The following ARSB variants were observed in gnomAD, a reference collection of about 807,000 sequenced individuals.
ARSB encodes N-acetylgalactosamine-4-sulfatase.
In ARSB, 41 loss-of-function variants were observed where a neutral mutation model predicts 50.9. The observed-to-expected ratio is 0.81, with a 90% CI of 0.63 to 1.04. ARSB has a LOEUF of 1.04. ARSB is among the 50% of genes least tolerant of loss of function. The pLI, the probability that ARSB is intolerant of heterozygous loss-of-function variation, is 0.00. For synonymous variants in ARSB, 269 were observed against 284.8 expected (o/e 0.94, Z 0.56); for missense variants, 672 against 693.3 (o/e 0.97, Z 0.35).
At position 78,885,796 on chromosome 5, in the gene ARSB, A is replaced by T; in HGVS notation, c.930T>A (p.Asn310Lys). 6.2e-7 allele frequency: 1 copy of T among 1,614,138 alleles called. No homozygotes were observed. Among genetic ancestry groups the T allele is most frequent in the East Asian group, 2.2e-5 (1 of 44,874 alleles). The change falls in exon 5 of 8, where the codon AAT (asparagine) becomes AAA (lysine). Residue 310 changes from asparagine to lysine, a missense_variant. Physicochemically the swap from Asn to Lys is moderately conservative, Grantham distance 94 (BLOSUM62 0). Transcript: ENST00000264914. ...DNGGQTLAGG[N>K]NWPLRGRKWS... ...ATTTTCTTCCTCGAAGGGGCCAGTT[A>T]TTACCCCCTGCCAAAGTCTGCCCTC...
rs1006924003 is a variant in ARSB, at chr5:78,861,739, T to A, written c.1143-22313A>T. On this transcript the variant is annotated intron_variant, in intron 5 of 7. Coordinates refer to ENST00000264914, the MANE Select transcript of ARSB (RefSeq NM_000046.5). ...GCCCTCTTTCACCACTCCTATTCAATATAATGTTGGAAATTCTGGTCAGGG... is the reference window on the plus strand; with the variant it reads ...GCCCTCTTTCACCACTCCTATTCAAAATAATGTTGGAAATTCTGGTCAGGG... Among the ~76,000 whole-genome samples, 4 of 152,222 alleles carry A rather than the reference T, an allele frequency of 2.6e-5. No homozygotes were observed. In the East Asian group the frequency reaches 7.7e-4, roughly 29 times the overall value.
chr5:78,813,308 C>T (rs183151146), intron 6 of ARSB, among the ~76,000 whole-genome samples: 90 of 152,302 alleles, frequency 5.9e-4, no homozygotes, highest in African/African-American at 2.1e-3. Context: ...AGGAGATCCA[C>T]CCACCTCAGC....
chr5:78,924,008 C>T (rs773905411), intron 4 of ARSB, among the ~76,000 whole-genome samples: 7 of 152,152 alleles, frequency 4.6e-5, no homozygotes, highest in Admixed American at 1.3e-4. Flanking sequence ...GAATATGATC[C>T]TGCTTCTTCC....
At chr5:78,940,575 G>C (rs1425973162) in intron 4 of ARSB, among the ~76,000 whole-genome samples, 1 of 152,144 alleles carries the variant, frequency 6.6e-6, no homozygotes, top group Non-Finnish European at 1.5e-5. Flanking sequence ...TGTCAGGTTT[G>C]TCAAAGATCA....
chr5:78,877,209 G>T (rs1747526647), intron 5 of ARSB, among the ~76,000 whole-genome samples: 1 of 152,146 alleles, frequency 6.6e-6, no homozygotes. Context: ...AAACTCACAG[G>T]CTGCTGTGAG....
intron 4 of ARSB, among the ~76,000 whole-genome samples, chr5:78,902,299 G>A (rs1168061228): frequency 6.6e-6 from 1 of 152,176 alleles, no homozygotes; most frequent in African/African-American, 2.4e-5. Flanking sequence ...TCCAACACAT[G>A]AACTTTTGGG....
chr5:78,821,406 G>A (rs1202442800), intron 6 of ARSB, among the ~76,000 whole-genome samples: 1 of 152,198 alleles, frequency 6.6e-6, no homozygotes. Flanking sequence ...CCAAAGTGCT[G>A]GGATTACAGG....
chr5:78,788,401 GT>G (rs1331104843), intron 6 of ARSB, among the ~76,000 whole-genome samples: 3 of 152,166 alleles, frequency 2.0e-5, no homozygotes. Context: ...CCTGGTGGTG[GT>G]TTCAGTGGAG....
chr5:78,815,187 G>T (rs188126881), intron 6 of ARSB, among the ~76,000 whole-genome samples: 1 of 150,688 alleles, frequency 6.6e-6, no homozygotes, highest in African/African-American at 2.5e-5. Context: ...TTTTCTAGTC[G>T]CATGGTTGCT....
intron 1 of ARSB, among the ~76,000 whole-genome samples, chr5:78,969,922 T>G (rs1752379813): frequency 6.6e-6 from 1 of 152,180 alleles, no homozygotes; most frequent in East Asian, 1.9e-4. Context: ...CCTGGCTGAG[T>G]TATTTAACAG....
upstream of ARSB, chr5:78,985,545 T>A: frequency 4.3e-6 from 1 of 230,752 alleles, no homozygotes. Context: ...CAATTAAATT[T>A]GCACTGTGGT....
At chr5:78,870,172 A>G (rs1747055097) in intron 5 of ARSB, among the ~76,000 whole-genome samples, 1 of 149,274 alleles carries the variant, frequency 6.7e-6, no homozygotes, top group Non-Finnish European at 1.5e-5. Flanking sequence ...GCAATAATCA[A>G]TATTTTACCA....
In ARSB at chr5:78,781,276, T is replaced by C. The variant is rs928828786; in HGVS notation, c.1336+576A>G. On this transcript the variant is annotated intron_variant, in intron 7 of 7. Coordinates refer to ENST00000264914, the MANE Select transcript of ARSB (RefSeq NM_000046.5). ...GAAGCATAAGAGTGACATTTCTTCCTTTCACCCCTGCTACAGTTAATTCTC... is the reference window on the plus strand; with the variant it reads ...GAAGCATAAGAGTGACATTTCTTCCCTTCACCCCTGCTACAGTTAATTCTC... Among the ~76,000 whole-genome samples, 6 of 151,826 alleles carry C rather than the reference T, an allele frequency of 4.0e-5. 1 individual carries two copies. The South Asian group carries it at 1.3e-3, about 32-fold the overall frequency.
intron 5 of ARSB, among the ~76,000 whole-genome samples, chr5:78,868,102 C>T (rs1437747233): frequency 2.1e-5 from 3 of 145,518 alleles, no homozygotes; most frequent in Admixed American, 7.0e-5. Flanking sequence ...CAAGAAGGGA[C>T]GTTTAGAGAA....
chr5:78,874,375 T>C (rs189531018), intron 5 of ARSB, among the ~76,000 whole-genome samples: 253 of 152,320 alleles, frequency 1.7e-3, no homozygotes, highest in African/African-American at 5.7e-3. Flanking sequence ...ATAACACTAC[T>C]TAAATCACAA....
At chr5:78,788,460 T>C (rs549449447) in intron 6 of ARSB, among the ~76,000 whole-genome samples, 1 of 152,330 alleles carries the variant, frequency 6.6e-6, no homozygotes, top group African/African-American at 2.4e-5. Flanking sequence ...AACTCAGAAG[T>C]TGTCTTGAAA....
chr5:78,785,356 A>AT (rs1453825476), intron 6 of ARSB, among the ~76,000 whole-genome samples: 4 of 152,168 alleles, frequency 2.6e-5, no homozygotes, highest in Non-Finnish European at 5.9e-5. Flanking sequence ...AATGCTCTGT[A>AT]TATCATTTAG....
rs115162232 is a variant in ARSB, at chr5:78,924,232, C to T, written c.898+31063G>A. On this transcript the variant is annotated intron_variant, in intron 4 of 7. Transcript: ENST00000264914. ...CTCTCATTTAATCCTCACAATAGTC[C>T]GCTGAGCAAGCTTTATCCCTATTTT... Among the ~76,000 whole-genome samples the T allele has an allele frequency of 8.3e-3, 1,257 of 152,266 alleles. 19 individuals are homozygous for T. The highest frequency in any genetic ancestry group is 0.029 in the African/African-American group (1,214 of 41,532).
At chr5:78,950,023 A>C (rs1751431268) in intron 4 of ARSB, among the ~76,000 whole-genome samples, 1 of 152,194 alleles carries the variant, frequency 6.6e-6, no homozygotes, top group African/African-American at 2.4e-5. Flanking sequence ...CCTAGTCTTA[A>C]CTCATGACCT....
Sources: gnomAD v4.1 joint callset for allele counts (sites outside exome capture counted in the v4.1 genomes callset) on GRCh38, gnomAD v4.1.1 for gene constraint, MANE v1.5 for transcripts, NCBI Gene and HGNC (gene_info 2026-07-23, HGNC 2026-07-21) for gene names.